Variants in SPATA6 observed in about 807,000 individuals in gnomAD.
SPATA6 encodes the protein spermatogenesis associated 6, also known as spermatogenesis-associated protein 6.
A neutral mutation model predicts 65.3 loss-of-function variants in SPATA6; 56 were observed. The ratio of observed to expected loss-of-function variants is 0.86; its 90% confidence interval spans 0.69 to 1.07. The LOEUF (loss-of-function observed/expected upper bound fraction) is 1.07, where lower values mean the gene tolerates loss of function less well. Among genes scored for constraint, SPATA6 ranks in the 50% least tolerant of loss-of-function variants. The pLI is 0.00. For synonymous variants in SPATA6, 199 were observed against 213.2 expected (o/e 0.93, Z 0.58); for missense variants, 590 against 594.8 (o/e 0.99, Z 0.08).
At chr1:48,391,555 T>G (rs1418726229) in intron 8 of SPATA6, among the ~76,000 whole-genome samples, 4 of 152,182 alleles carry the variant, frequency 2.6e-5, no homozygotes, top group African/African-American at 9.7e-5. Context: ...GGTTTATAAT[T>G]TTATTCCTAC....
intron 3 of SPATA6, among the ~76,000 whole-genome samples, chr1:48,447,232 T>C (rs1205280752): frequency 2.6e-5 from 4 of 152,118 alleles, no homozygotes; most frequent in Non-Finnish European, 4.4e-5. Context: ...TCAAAAGTTA[T>C]ACGTGGCCAG....
intron 10 of SPATA6, 67 bp from the exon 11 acceptor site, chr1:48,355,836 A>G (rs1646644559): frequency 8.0e-7 from 1 of 1,243,798 alleles, no homozygotes; most frequent in Admixed American, 1.8e-5. Context: ...CTATACTATC[A>G]AGTTTTCACA....
At chr1:48,344,410 C>T (rs1646304365) in intron 11 of SPATA6, 1 of 152,246 alleles carries the variant, frequency 6.6e-6, no homozygotes, top group African/African-American at 2.4e-5. Context: ...AACACAATTA[C>T]CAGCTATTAC....
the SPATA6 span, among the ~76,000 whole-genome samples, chr1:48,261,674 A>C: frequency 6.6e-6 from 1 of 152,064 alleles, no homozygotes; most frequent in Non-Finnish European, 1.5e-5. Context: ...CATTCCTGAA[A>C]ATAAAAGGGA....
At chr1:48,423,864 T>G (rs576355622) in intron 3 of SPATA6, among the ~76,000 whole-genome samples, 1 of 152,218 alleles carries the variant, frequency 6.6e-6, no homozygotes, top group East Asian at 1.9e-4. Flanking sequence ...TTTTTTAAAA[T>G]TGTGTAGGTA....
intron 5 of SPATA6, among the ~76,000 whole-genome samples, chr1:48,410,050 T>C (rs1652071628): frequency 6.6e-6 from 1 of 152,220 alleles, no homozygotes; most frequent in Non-Finnish European, 1.5e-5. Context: ...AATTTTCTTT[T>C]CTATCCCATT....
At chr1:48,431,982 T>C (rs947972943) in intron 3 of SPATA6, among the ~76,000 whole-genome samples, 1 of 152,128 alleles carries the variant, frequency 6.6e-6, no homozygotes, top group Admixed American at 6.5e-5. Context: ...TGGTGGTGCA[T>C]GCCTGTAGCC....
chr1:48,366,534 G>A (rs886962586), intron 9 of SPATA6, among the ~76,000 whole-genome samples: 1 of 152,168 alleles, frequency 6.6e-6, no homozygotes, highest in Non-Finnish European at 1.5e-5. Flanking sequence ...GAGGGTGTAT[G>A]TGTCTACGAA....
chr1:48,326,967 C>T (rs935137809), intron 11 of SPATA6, among the ~76,000 whole-genome samples: 3 of 152,062 alleles, frequency 2.0e-5, no homozygotes, highest in Non-Finnish European at 4.4e-5. Context: ...ACAAAAACCC[C>T]AAAAGCAAAT....
intron 1 of SPATA6, among the ~76,000 whole-genome samples, chr1:48,465,834 A>C (rs1462719331): frequency 1.3e-5 from 2 of 152,142 alleles, no homozygotes; most frequent in Non-Finnish European, 2.9e-5. Context: ...TCTTTCCTCA[A>C]TTTACATGGC....
At chr1:48,441,607 C>A (rs980304959) in intron 3 of SPATA6, among the ~76,000 whole-genome samples, 7 of 152,016 alleles carry the variant, frequency 4.6e-5, no homozygotes, top group Non-Finnish European at 1.0e-4. Context: ...CAAGCTCCAG[C>A]CCTAAGCCTT....
At chr1:48,437,025 T>A (rs1655001761) in intron 3 of SPATA6, 2 of 1,608,602 alleles carry the variant, frequency 1.2e-6, no homozygotes, top group South Asian at 1.1e-5. Flanking sequence ...TGCAACAAGA[T>A]CCTGAGAAAA....
chr1:48,303,761 C>CT (rs959881580), intron 12 of SPATA6, among the ~76,000 whole-genome samples: 12 of 152,088 alleles, frequency 7.9e-5, no homozygotes, highest in Non-Finnish European at 1.8e-4. Flanking sequence ...GATTTCCTTT[C>CT]TTTTAGGTAG....
the SPATA6 span, among the ~76,000 whole-genome samples, chr1:48,285,190 C>T: frequency 6.6e-6 from 1 of 152,126 alleles, no homozygotes; most frequent in East Asian, 1.9e-4. Context: ...CGGTGGGCTC[C>T]TCCCAGTTCA....
chr1:48,451,641 T>A, intron 2 of SPATA6, 41 bp from the exon 3 acceptor site: 1 of 1,572,646 alleles, frequency 6.4e-7, no homozygotes, highest in Non-Finnish European at 8.6e-7. Flanking sequence ...AAGGAAGATA[T>A]ATATTTTTTT....
rs964164752 is a variant in SPATA6 at position 48,471,984 on chromosome 1, A to G, written c.25T>C (p.Cys9Arg). 20 of 1,594,790 alleles carry G rather than the reference A, an allele frequency of 1.3e-5. No homozygotes were observed. The highest frequency in any genetic ancestry group is 1.7e-5 in the Non-Finnish European group (20 of 1,172,946). ...GAGCTGATCTCCAGCGCCAGGGCGCACTGCAGCGCCTTCACCTTCGGCATC... is the reference window on the plus strand; with the variant it reads ...GAGCTGATCTCCAGCGCCAGGGCGCGCTGCAGCGCCTTCACCTTCGGCATC... MPKVKALQ[C>R]ALALEISSVT... Residue 9 changes from cysteine to arginine, a missense_variant, in exon 1 of 13, where the codon TGC becomes CGC. Cys to Arg is a radical substitution (Grantham distance 180, BLOSUM62 -3). Coordinates refer to ENST00000371847, the MANE Select transcript of SPATA6 (RefSeq NM_019073.4).
At chr1:48,280,170 C>A in the SPATA6 span, among the ~76,000 whole-genome samples, 1 of 152,074 alleles carries the variant, frequency 6.6e-6, no homozygotes, top group African/African-American at 2.4e-5. Flanking sequence ...ATCTCTGGGA[C>A]ACATTCAAAG....
At chr1:48,301,749 T>C (rs1644944631) in intron 12 of SPATA6, among the ~76,000 whole-genome samples, 1 of 152,122 alleles carries the variant, frequency 6.6e-6, no homozygotes, top group Non-Finnish European at 1.5e-5. Context: ...ACTCATTTTT[T>C]ACAAAGGCAC....
the SPATA6 span, among the ~76,000 whole-genome samples, chr1:48,280,088 T>A: frequency 6.4e-4 from 94 of 147,156 alleles, no homozygotes; most frequent in South Asian, 2.2e-3. Context: ...GACTACTGGG[T>A]ACATAACGAA....
Sources: allele counts gnomAD v4.1 joint callset (sites outside exome capture counted in the v4.1 genomes callset), GRCh38; gene constraint gnomAD v4.1.1; transcripts MANE v1.5; gene names NCBI Gene and HGNC (gene_info 2026-07-23, HGNC 2026-07-21).